Variants in COBLL1 observed in about 807,000 individuals in gnomAD.
COBLL1 encodes cordon-bleu protein-like 1.
Under a neutral mutation model 94.8 loss-of-function variants are expected in COBLL1, and 50 were observed. The ratio of observed to expected loss-of-function variants is 0.53; its 90% CI spans 0.42 to 0.67. COBLL1 has a LOEUF of 0.67. Ranked by LOEUF, COBLL1 falls within the 30% of genes least tolerant of loss-of-function variation. The pLI, the probability that COBLL1 is intolerant of heterozygous loss-of-function variation, is 0.00. For missense variants in COBLL1, 1,362 were observed against 1,348.7 expected (o/e 1.01, Z -0.15); for synonymous variants, 448 against 473.8 (o/e 0.95, Z 0.71).
chr2:164,814,552 A>C (rs889833399), intron 2 of COBLL1, among the ~76,000 whole-genome samples: 1 of 152,196 alleles, frequency 6.6e-6, no homozygotes, highest in Non-Finnish European at 1.5e-5. Flanking sequence ...CAATGTATGT[A>C]TACTGACGGA....
chr2:164,756,766 T>C (rs1306614286), intron 2 of COBLL1, among the ~76,000 whole-genome samples: 6 of 151,940 alleles, frequency 3.9e-5, no homozygotes, highest in Non-Finnish European at 8.8e-5. Flanking sequence ...TAAAAAAAGA[T>C]ACACACTTGC....
At chr2:164,774,160 T>A (rs1165715971) in intron 2 of COBLL1, among the ~76,000 whole-genome samples, 1 of 152,140 alleles carries the variant, frequency 6.6e-6, no homozygotes, top group Non-Finnish European at 1.5e-5. Flanking sequence ...TGTAGGATGA[T>A]AGTTTGAAGA....
At chr2:164,724,164 T>C (rs1365615368) in intron 5 of COBLL1, 1 of 152,218 alleles carries the variant, frequency 6.6e-6, no homozygotes, top group African/African-American at 2.4e-5. Context: ...CCTTACTTTT[T>C]CAGTAATATT....
chr2:164,703,070 C>CA, intron 9 of COBLL1: 1 of 1,311,446 alleles, frequency 7.6e-7, no homozygotes, highest in Non-Finnish European at 1.1e-6. Flanking sequence ...CTGCCTGACA[C>CA]AAAGCACCAG....
At chr2:164,789,562 T>A (rs1486265946) in intron 2 of COBLL1, among the ~76,000 whole-genome samples, 2 of 152,126 alleles carry the variant, frequency 1.3e-5, no homozygotes, top group African/African-American at 4.8e-5. Flanking sequence ...TTAAGTTGTT[T>A]GGCATAGAGG....
rs183732280 is a variant in COBLL1, at chr2:164,809,916, A to G, written c.41+31240T>C. On this transcript the variant is annotated intron_variant, in intron 2 of 13. Coordinates refer to ENST00000652658, the MANE Select transcript of COBLL1 (RefSeq NM_001365672.2). Reference sequence around the variant, plus strand: ...TAATTATTTAAACTGTTTAGTAACAATTTTAACAAAAAAGCCCTCTTTTAA... The same window carrying G: ...TAATTATTTAAACTGTTTAGTAACAGTTTTAACAAAAAAGCCCTCTTTTAA... 2.0e-3 allele frequency among the ~76,000 whole-genome samples: 267 copies of G among 131,430 alleles called. 3 individuals carry two copies. In the Middle Eastern group the frequency reaches 0.028, roughly 14 times the overall value. 86.2% of individuals were successfully genotyped at this position (131,430 alleles called of 152,430 possible). A position where few individuals can be genotyped will look rare whatever the true frequency, so the allele number is the denominator to read the frequency against.
intron 2 of COBLL1, among the ~76,000 whole-genome samples, chr2:164,790,088 G>C (rs2105295134): frequency 6.6e-6 from 1 of 152,324 alleles, no homozygotes; most frequent in South Asian, 2.1e-4. Context: ...ATATTAATGA[G>C]AATAGAAATC....
chr2:164,781,079 T>C (rs1451945752), intron 2 of COBLL1, among the ~76,000 whole-genome samples: 1 of 152,232 alleles, frequency 6.6e-6, no homozygotes, highest in Non-Finnish European at 1.5e-5. Context: ...TTCATAATGT[T>C]GCACTGTAAT....
intron 3 of COBLL1, among the ~76,000 whole-genome samples, chr2:164,742,761 G>A (rs369834423): frequency 6.6e-6 from 1 of 152,132 alleles, no homozygotes; most frequent in East Asian, 1.9e-4. Context: ...TTAAAATTAA[G>A]GTTACCTTGA....
chr2:164,658,766 T>C (rs1347596231), intron 2 of COBLL1, among the ~76,000 whole-genome samples: 1 of 152,346 alleles, frequency 6.6e-6, no homozygotes, highest in East Asian at 1.9e-4. Flanking sequence ...CTAGCCATCC[T>C]GAGGGGAGAA....
intron 2 of COBLL1, among the ~76,000 whole-genome samples, chr2:164,824,251 T>C (rs1247118424): frequency 2.0e-5 from 3 of 151,874 alleles, no homozygotes; most frequent in South Asian, 2.1e-4. Context: ...CATGGTGGTG[T>C]ATGCCTGTAA....
chr2:164,828,420 C>A (rs1685536559), intron 2 of COBLL1, among the ~76,000 whole-genome samples: 1 of 152,016 alleles, frequency 6.6e-6, no homozygotes, highest in African/African-American at 2.4e-5. Context: ...ACCTAAATAT[C>A]TATCAATAGG....
intron 2 of COBLL1, among the ~76,000 whole-genome samples, chr2:164,806,763 A>T (rs1684176582): frequency 6.6e-6 from 1 of 152,202 alleles, no homozygotes; most frequent in Non-Finnish European, 1.5e-5. Context: ...ACAGTGGCAC[A>T]ATCACAGCTA....
chr2:164,831,205 C>G (rs1478753514), intron 2 of COBLL1, among the ~76,000 whole-genome samples: 1 of 151,914 alleles, frequency 6.6e-6, no homozygotes, highest in African/African-American at 2.4e-5. Flanking sequence ...GCCTGTAGTC[C>G]CAGCTACTCG....
intron 2 of COBLL1, among the ~76,000 whole-genome samples, chr2:164,826,847 C>T (rs1464941665): frequency 6.6e-6 from 1 of 151,822 alleles, no homozygotes; most frequent in Admixed American, 6.6e-5. Context: ...TTATGGAATA[C>T]TTGATCCCAT....
intron 2 of COBLL1, among the ~76,000 whole-genome samples, chr2:164,768,589 A>C (rs1325782827): frequency 6.6e-6 from 1 of 152,156 alleles, no homozygotes; most frequent in Non-Finnish European, 1.5e-5. Context: ...TATAGAAATA[A>C]TCCCTCTTAT....
chr2:164,805,319 C>T (rs1465337924), intron 2 of COBLL1, among the ~76,000 whole-genome samples: 3 of 35,964 alleles, frequency 8.3e-5, no homozygotes, highest in African/African-American at 3.3e-4. Context: ...CTCTCTCTCT[C>T]TCTCTCTCTC....
intron 2 of COBLL1, among the ~76,000 whole-genome samples, chr2:164,659,298 A>G (rs1691032942): frequency 6.6e-6 from 1 of 152,204 alleles, no homozygotes; most frequent in Non-Finnish European, 1.5e-5. Context: ...TTTTCTACAA[A>G]GGAACTTCCA....
At chr2:164,778,029 T>C (rs1189267678) in intron 2 of COBLL1, among the ~76,000 whole-genome samples, 3 of 152,234 alleles carry the variant, frequency 2.0e-5, no homozygotes, top group African/African-American at 7.2e-5. Flanking sequence ...CTGTTATCTG[T>C]TCCTATGCAT....
Sources: allele counts gnomAD v4.1 joint callset (sites outside exome capture counted in the v4.1 genomes callset), GRCh38; gene constraint gnomAD v4.1.1; transcripts MANE v1.5; gene names NCBI Gene and HGNC (gene_info 2026-07-23, HGNC 2026-07-21).